Variants in N4BP1 observed in about 807,000 individuals in gnomAD.
N4BP1 encodes NEDD4-binding protein 1.
A neutral mutation model predicts 70.9 loss-of-function variants in N4BP1; 21 were observed. That is an observed-to-expected ratio of 0.30 (90% CI 0.21 to 0.43). N4BP1 has a LOEUF of 0.43. N4BP1 is among the 20% of genes least tolerant of loss of function. The pLI is 1.00. For synonymous variants in N4BP1, 387 were observed against 394.6 expected, an observed-to-expected ratio of 0.98 and a Z score of 0.23; for missense variants, 936 against 1,069.4, an observed-to-expected ratio of 0.88 and a Z score of 1.74.
At chr16:48,550,934 G>GA (rs1411832283) in intron 4 of N4BP1, among the ~76,000 whole-genome samples, 2 of 151,046 alleles carry the variant, frequency 1.3e-5, no homozygotes, top group Non-Finnish European at 3.0e-5. Flanking sequence ...AAAAAAAAAA[G>GA]AAAGAAAAGA....
rs1316503743 is a variant in N4BP1 at position 48,562,311 on chromosome 16, C to G, written c.332G>C (p.Cys111Ser). The G allele has an allele frequency of 1.2e-6, 2 of 1,613,804 alleles. No individual in the cohort carries two copies. The highest frequency in any genetic ancestry group is 1.7e-5 in the Admixed American group (1 of 59,974). Residue 111 changes from cysteine to serine, a missense_variant, in exon 2 of 7, where the codon TGC (cysteine) becomes TCC (serine). Physicochemically the swap from Cys to Ser is moderately radical, Grantham distance 112. Around this residue, in one of 4 missense-constraint regions of N4BP1, gnomAD observed 187 missense variants for 217.1 expected, o/e 0.86. Transcript: ENST00000262384. ...GCCAAGAAGGCCAATGTCCAGAATG[C>G]AGAGGTCAGCACAAGTATCCTGAAT... ...SLIQDTCADL[C>S]ILDIGLLGIR... is the part of the protein sequence containing the mutation.
At chr16:48,548,584 C>T (rs954063170) in intron 4 of N4BP1, among the ~76,000 whole-genome samples, 10 of 152,116 alleles carry the variant, frequency 6.6e-5, no homozygotes, top group African/African-American at 1.9e-4. Context: ...TGGTGGCTCA[C>T]GCCTGTAATC....
chr16:48,608,018 C>G (rs1452830812), intron 1 of N4BP1, among the ~76,000 whole-genome samples: 2 of 152,164 alleles, frequency 1.3e-5, no homozygotes, highest in African/African-American at 2.4e-5. Flanking sequence ...CGTACCACCA[C>G]GCCGGGCTAA....
intron 1 of N4BP1, among the ~76,000 whole-genome samples, chr16:48,585,525 T>C (rs966100919): frequency 2.6e-5 from 4 of 151,596 alleles, no homozygotes; most frequent in Non-Finnish European, 5.9e-5. Context: ...CTAAATAAAA[T>C]TATAATAGTA....
Position 48,556,788 on chromosome 16 carries a change from C to T in N4BP1, c.1890-3119G>A, listed in dbSNP as rs74017996. 4.0e-3 allele frequency among the ~76,000 whole-genome samples: 601 copies of T among 152,032 alleles called. 3 individuals carry two copies. Among genetic ancestry groups the T allele is most frequent in the African/African-American group, 0.013 (554 of 41,448 alleles). On this transcript the variant is annotated intron_variant, in intron 2 of 6. Transcript: ENST00000262384. ...CCTTTCTGAGTTACCCAGGAAAAAG[C>T]GATTTCTTTTTATGGAACCCTAATA...
chr16:48,585,701 G>A (rs912938093), intron 1 of N4BP1, among the ~76,000 whole-genome samples: 1 of 149,468 alleles, frequency 6.7e-6, no homozygotes, highest in East Asian at 2.0e-4. Context: ...ATCATGCCTG[G>A]CTTTTTTTTT....
chr16:48,573,542 G>A (rs1964052612), intron 1 of N4BP1, among the ~76,000 whole-genome samples: 1 of 152,100 alleles, frequency 6.6e-6, no homozygotes, highest in Non-Finnish European at 1.5e-5. Flanking sequence ...GCAGTGAGCT[G>A]AGATCATGCA....
At chr16:48,555,141 T>C (rs150064726) in intron 2 of N4BP1, among the ~76,000 whole-genome samples, 1 of 152,358 alleles carries the variant, frequency 6.6e-6, no homozygotes, top group East Asian at 1.9e-4. Context: ...GCCCGTCTTC[T>C]TCTATGAAGT....
chr16:48,547,728 C>T (rs1963609217), intron 5 of N4BP1, among the ~76,000 whole-genome samples: 1 of 152,218 alleles, frequency 6.6e-6, no homozygotes, highest in Non-Finnish European at 1.5e-5. Context: ...CCTCCTGCTT[C>T]ATGCAACAAA....
intron 1 of N4BP1, among the ~76,000 whole-genome samples, chr16:48,595,034 A>G (rs935126917): frequency 1.3e-5 from 2 of 152,214 alleles, no homozygotes; most frequent in South Asian, 4.1e-4. Flanking sequence ...AATAAAAAAA[A>G]CTTTCAGGAC....
chr16:48,594,644 C>A (rs2151100138), intron 1 of N4BP1, among the ~76,000 whole-genome samples: 1 of 152,302 alleles, frequency 6.6e-6, no homozygotes, highest in South Asian at 2.1e-4. Context: ...GTGTGAGCCA[C>A]TGTGCCCGTC....
At chr16:48,576,414 A>C (rs1964094293) in intron 1 of N4BP1, among the ~76,000 whole-genome samples, 1 of 152,166 alleles carries the variant, frequency 6.6e-6, no homozygotes, top group African/African-American at 2.4e-5. Flanking sequence ...ACTTCCCTGC[A>C]TGGTCATACT....
Position 48,561,258 on chromosome 16 carries a change from G to A in N4BP1, c.1385C>T (p.Thr462Ile), listed in dbSNP as rs763739892. 1 of 1,613,946 alleles carries A rather than the reference G, an allele frequency of 6.2e-7. No homozygotes were observed. The highest frequency in any genetic ancestry group is 1.1e-5 in the South Asian group (1 of 91,080). ...KPCTSNCRINTFRTVPIEQKH... is the reference protein window; with the variant it reads ...KPCTSNCRINIFRTVPIEQKH... ...CTGTTCTATTGGCACTGTTCTGAAA[G>A]TATTAATTCTACAATTTGAGGTACA... Residue 462 changes from threonine (T) to isoleucine (I), a missense_variant, in exon 2 of 7, where the codon ACT (threonine) becomes ATT (isoleucine). Around this residue, in one of 4 missense-constraint regions of N4BP1, gnomAD observed 515 missense variants for 491.7 expected, o/e 1.05. Transcript: ENST00000262384.
At chr16:48,596,265 T>G (rs560961448) in intron 1 of N4BP1, among the ~76,000 whole-genome samples, 1 of 152,348 alleles carries the variant, frequency 6.6e-6, no homozygotes, top group Non-Finnish European at 1.5e-5. Context: ...AATGCTTAAC[T>G]GGAATTTGCA....
At chr16:48,584,307 G>A (rs757788598) in intron 1 of N4BP1, among the ~76,000 whole-genome samples, 8 of 152,152 alleles carry the variant, frequency 5.3e-5, no homozygotes, top group Non-Finnish European at 1.2e-4. Context: ...TGAAAGAACT[G>A]TCTTTTTGAA....
intron 1 of N4BP1, among the ~76,000 whole-genome samples, chr16:48,588,071 A>G (rs1448409035): frequency 2.0e-5 from 3 of 152,158 alleles, no homozygotes; most frequent in African/African-American, 4.8e-5. Context: ...AAAATGCAAT[A>G]TAAGATTTCT....
intron 3 of N4BP1, 77 bp downstream of exon 3, chr16:48,553,462 T>C (rs1963704902): frequency 2.8e-6 from 4 of 1,412,472 alleles, no homozygotes; most frequent in Non-Finnish European, 2.8e-6. Flanking sequence ...AGCTCTATTC[T>C]AAATAGCATG....
intron 6 of N4BP1, 84 bp downstream of exon 6, chr16:48,546,063 T>C (rs1284096286): frequency 1.2e-6 from 1 of 806,950 alleles, no homozygotes; most frequent in African/African-American, 1.8e-5. Flanking sequence ...ATGTCATTTT[T>C]AGTCTATAAA....
intron 2 of N4BP1, among the ~76,000 whole-genome samples, 159 bp from the exon 3 acceptor site, chr16:48,553,828 A>G (rs1226228044): frequency 6.6e-6 from 1 of 152,204 alleles, no homozygotes; most frequent in Non-Finnish European, 1.5e-5. Flanking sequence ...CAAAGTTAGG[A>G]TGGAACCCAC....
Sources: allele counts gnomAD v4.1 joint callset (sites outside exome capture counted in the v4.1 genomes callset), GRCh38; gene constraint gnomAD v4.1.1; regional missense constraint gnomAD v4.1.1; transcripts MANE v1.5; gene names NCBI Gene and HGNC (gene_info 2026-07-23, HGNC 2026-07-21).